MUC5B: variants seen among roughly 807,000 people sequenced by gnomAD.
MUC5B encodes mucin 5B, oligomeric mucus/gel-forming, also known as mucin-5B.
A neutral mutation model predicts 376.9 loss-of-function variants in MUC5B; 116 were observed. The observed-to-expected ratio is 0.31, with a 90% CI of 0.26 to 0.36. The LOEUF is 0.36. Ranked by LOEUF, MUC5B falls within the 10% of genes least tolerant of loss-of-function variation. The pLI is 1.00. For missense variants in MUC5B, 7,165 were observed against 7,769.9 expected (o/e 0.92, Z 2.93); for synonymous variants, 3,517 against 3,390.9 (o/e 1.04, Z -1.29).
In MUC5B at chr11:1,226,740, G is replaced by A. The variant is rs745661967; in HGVS notation, c.325G>A (p.Ala109Thr). ...CTACGTGTTCTCTGAGCACTGCCGC[G>A]CCGCCTACGAGGACTTCAACGTCCA... ...CNYVFSEHCR[A>T]AYEDFNVQLR... The change falls in exon 4 of 49, where the codon GCC (alanine) becomes ACC (threonine). Residue 109 changes from alanine to threonine, a missense_variant. This residue lies in a region of MUC5B where 640 missense variants were observed against 733.0 expected (regional missense o/e 0.87). Transcript: ENST00000529681. 37 of 1,612,582 alleles carry A rather than the reference G, an allele frequency of 2.3e-5. No individual in the cohort carries two copies. The highest frequency in any genetic ancestry group is 3.0e-5 in the Non-Finnish European group (35 of 1,179,832).
rs754195228 is a variant in MUC5B at position 1,247,478 on chromosome 11, C to T, written c.10598C>T (p.Thr3533Ile). 5.6e-6 allele frequency: 9 copies of T among 1,608,138 alleles called. No individual in the cohort carries two copies. The East Asian group carries it at 1.3e-4, about 24-fold the overall frequency. The part of the protein sequence containing the change: ...PSPGTTTPGH[T>I]RGTSRTTATA... ...CCAGGGACGACCACCCCGGGCCACA[C>T]CAGGGGCACCTCCAGGACCACAGCC... Residue 3533 changes from threonine (T) to isoleucine (I), a missense_variant, in exon 31 of 49, where the codon ACC becomes ATC. By Grantham distance (89) the Thr-to-Ile change is moderately conservative (BLOSUM62 -1). Coordinates refer to ENST00000529681, the MANE Select transcript of MUC5B (RefSeq NM_002458.3).
chr11:1,258,663 C>G lies in MUC5B; in HGVS notation c.16594-279C>G, dbSNP rs563349608. Among the ~76,000 whole-genome samples, 1 of 152,236 alleles carries G rather than the reference C, an allele frequency of 6.6e-6. No individual in the cohort carries two copies. Among genetic ancestry groups the G allele is most frequent in the African/African-American group, 2.4e-5 (1 of 41,536 alleles). ...CCCGCCTGCCCGCCCAGATTCCTAC[C>G]CGCCCGGATTCCTGCCTGCCAGATT... On this transcript the variant is annotated intron_variant, in intron 43 of 48. Transcript: ENST00000529681. This position sits in a 1 kb window ranked among gnomAD's most constrained non-coding sequence, Gnocchi z 5.5.
chr11:1,233,280 G>A lies in MUC5B; in HGVS notation c.2321+12G>A, dbSNP rs1208584838. 6.5e-7 allele frequency: 1 copy of A among 1,531,482 alleles called. No homozygotes were observed. The highest frequency in any genetic ancestry group is 8.8e-7 in the Non-Finnish European group (1 of 1,139,694). The allele number at this position is 1,531,482 out of a possible 1,614,324, so 94.9% of individuals were successfully genotyped here. A position where few individuals can be genotyped will look rare whatever the true frequency, so the allele number is the denominator to read the frequency against. ...GAGGGCGCCGTGTGGTAAGGGTCTG[G>A]GGGGAAAGCAGGCCCCCCAGGTGCT... On this transcript the variant is annotated intron_variant, in intron 18 of 48. Transcript: ENST00000529681.
chr11:1,247,162 G>A lies in MUC5B; in HGVS notation c.10282G>A (p.Ala3428Thr). 6.4e-7 allele frequency: 1 copy of A among 1,573,628 alleles called. No homozygotes were observed. The highest frequency in any genetic ancestry group is 8.6e-7 in the Non-Finnish European group (1 of 1,159,408). The change falls in exon 31 of 49, where the codon GCC becomes ACC. Residue 3428 changes from alanine to threonine, a missense_variant. Transcript: ENST00000529681. Reference protein sequence around the residue: ...VLTTTATTPAATSSTVTPSSA... With the variant: ...VLTTTATTPATTSSTVTPSSA... Reference sequence around the variant, plus strand: ...GACCACCACCGCCACCACACCTGCAGCCACCAGCAGCACAGTGACTCCCTC... The same window carrying A: ...GACCACCACCGCCACCACACCTGCAACCACCAGCAGCACAGTGACTCCCTC...
At position 1,253,749 on chromosome 11, in the gene MUC5B, T is replaced by C. The variant is rs970822497; in HGVS notation, c.15218-343T>C. ...CTGCCTCTCTGTGGCCTCCCCTCTC[T>C]GTGTCTGTGTCTCTTCTGTCTCCCG... On this transcript the variant is annotated intron_variant, in intron 33 of 48. Coordinates refer to ENST00000529681, the MANE Select transcript of MUC5B (RefSeq NM_002458.3). The surrounding 1 kb of genome is among the most constrained non-coding windows in gnomAD (Gnocchi z 4.3). Among the ~76,000 whole-genome samples the C allele has an allele frequency of 6.6e-6, 1 of 152,272 alleles. No individual in the cohort carries two copies. The highest frequency in any genetic ancestry group is 2.4e-5 in the African/African-American group (1 of 41,516).
chr11:1,225,001 C>T (rs776646353), intron 1 of MUC5B, among the ~76,000 whole-genome samples: 1 of 152,220 alleles, frequency 6.6e-6, no homozygotes, highest in Non-Finnish European at 1.5e-5. Context: ...TGGGTTGGAG[C>T]TGCCTCCTCC....
At chr11:1,224,131 T>G (rs1861824817) in intron 1 of MUC5B, among the ~76,000 whole-genome samples, 1 of 152,166 alleles carries the variant, frequency 6.6e-6, no homozygotes, top group Non-Finnish European at 1.5e-5. Flanking sequence ...ATCTGATTCT[T>G]CCGGGCCATG....
chr11:1,233,920 C>G, intron 19 of MUC5B, 72 bp downstream of exon 19: 1 of 1,394,456 alleles, frequency 7.2e-7, no homozygotes, highest in Non-Finnish European at 9.9e-7. Context: ...CCCCAACACG[C>G]CCCACCCTGC....
chr11:1,258,023 T>C lies in MUC5B; in HGVS notation c.16451-76T>C. 1 of 1,410,580 alleles carries C rather than the reference T, an allele frequency of 7.1e-7. No homozygotes were observed. The highest frequency in any genetic ancestry group is 9.7e-7 in the Non-Finnish European group (1 of 1,026,896). The allele number at this position is 1,410,580 out of a possible 1,614,324, so 87.4% of individuals were successfully genotyped here. The stretch of plus-strand genomic sequence containing the variant: ...TCAGGTCCTCGGGGAAAAGCACGCC[T>C]GCGACTTACTCTGGGAACAAGTGGT... On this transcript the variant is annotated intron_variant, in intron 41 of 48. Coordinates refer to ENST00000529681, the MANE Select transcript of MUC5B (RefSeq NM_002458.3). This position sits in a 1 kb window ranked among gnomAD's most constrained non-coding sequence, Gnocchi z 5.5.
At chr11:1,260,269 C>T (rs373512894) in intron 46 of MUC5B, 82 bp from the exon 47 acceptor site, 84 of 1,479,832 alleles carry the variant, frequency 5.7e-5, no homozygotes, top group Middle Eastern at 2.1e-4. Context: ...TGCCCCTGCC[C>T]GGGTGGGCCC....
rs774965401 is a variant in MUC5B, at chr11:1,249,821, C to T, written c.12941C>T (p.Thr4314Ile). The change falls in exon 31 of 49, where the codon ACA (threonine) becomes ATA (isoleucine). Residue 4314 changes from threonine to isoleucine, a missense_variant. This residue lies in a region of MUC5B where 431 missense variants were observed against 390.4 expected (regional missense o/e 1.10). Coordinates refer to ENST00000529681, the MANE Select transcript of MUC5B (RefSeq NM_002458.3). ...ACCACCCTTCCAGTGCTGACAAGCA[C>T]AGCCACCAAATCCACAGCTACCAGC... ...TATTLPVLTS[T>I]ATKSTATSVT... 6 of 1,613,640 alleles carry T rather than the reference C, an allele frequency of 3.7e-6. 1 individual carries two copies. Among genetic ancestry groups the T allele is most frequent in the Admixed American group, 1.7e-5 (1 of 60,018 alleles).
At chr11:1,229,918 C>T in intron 10 of MUC5B, 87 bp from the exon 11 acceptor site, 1 of 1,546,594 alleles carries the variant, frequency 6.5e-7, no homozygotes, top group South Asian at 1.2e-5. Flanking sequence ...GGTGTGCACC[C>T]ACCAGCCTCC....
Position 1,232,125 on chromosome 11 carries a change from G to A in MUC5B, c.1808G>A (p.Ser603Asn), listed in dbSNP as rs1179035643. The change falls in exon 15 of 49, where the codon AGC becomes AAC. Residue 603 changes from serine (S) to asparagine (N), a missense_variant. Physicochemically the swap from Ser to Asn is conservative, Grantham distance 46 (BLOSUM62 1). This residue lies in a region of MUC5B where 530 missense variants were observed against 604.0 expected (regional missense o/e 0.88). Coordinates refer to ENST00000529681, the MANE Select transcript of MUC5B (RefSeq NM_002458.3). ...GCTGCCTGTGCCAATGCCAGGAACA[G>A]CTTTGAGGACCCCTGCTCCCTCAGT... ...AQAACANARN[S>N]FEDPCSLSVE... 1.2e-6 allele frequency: 2 copies of A among 1,612,016 alleles called. No homozygotes were observed. The highest frequency in any genetic ancestry group is 2.2e-5 in the South Asian group (2 of 90,940).
rs1244384941 is a variant in MUC5B, at chr11:1,257,676, G to A, written c.16416G>A (p.Arg5472=). The A allele has an allele frequency of 6.3e-7, 1 of 1,575,254 alleles. No individual in the cohort carries two copies. The highest frequency in any genetic ancestry group is 8.6e-7 in the Non-Finnish European group (1 of 1,168,098). ...GCTTCGTAACCGTGACCAGGCCCCG[G>A]GCCGAGAACCCCTGCTGCCCCGAGA... ...RPGFVTVTRP[R]AENPCCPETV... The change falls in exon 41 of 49, where the codon CGG becomes CGA. Residue 5472 remains arginine, a synonymous_variant. Transcript: ENST00000529681. This position sits in a 1 kb window ranked among gnomAD's most constrained non-coding sequence, Gnocchi z 8.9.
intron 1 of MUC5B, 105 bp downstream of exon 1, chr11:1,223,298 C>T: frequency 2.9e-6 from 2 of 696,920 alleles, no homozygotes; most frequent in Non-Finnish European, 5.3e-6. Context: ...GGGCAGATCC[C>T]CCTACGACTC....
In MUC5B at chr11:1,237,284, G is replaced by A. The variant is rs773480978; in HGVS notation, c.3297+120G>A. Reference sequence around the variant, plus strand: ...CAAGGAGGGTCTGACCATGTCCCACGGCACACAGTCCTGGATGTCAGGTCC... The same window carrying A: ...CAAGGAGGGTCTGACCATGTCCCACAGCACACAGTCCTGGATGTCAGGTCC... On this transcript the variant is annotated intron_variant, in intron 25 of 48. Coordinates refer to ENST00000529681, the MANE Select transcript of MUC5B (RefSeq NM_002458.3). The A allele has an allele frequency of 5.8e-6, 7 of 1,210,498 alleles. No individual in the cohort carries two copies. In the South Asian group the frequency reaches 9.0e-5, roughly 16 times the overall value. The allele number at this position is 1,210,498 out of a possible 1,614,324, so 75.0% of individuals were successfully genotyped here. A position where few individuals can be genotyped will look rare whatever the true frequency, so the allele number is the denominator to read the frequency against.
rs2735708 is a variant in MUC5B, at chr11:1,230,702, C to A, written c.1470+102C>A. On this transcript the variant is annotated intron_variant, in intron 12 of 48. Transcript: ENST00000529681. ...TCCCCCTCCAGCCCCGAGGCCAGGTCCCCCCTCCAGCCCCCAGGCCAGGTC... is the reference window on the plus strand; with the variant it reads ...TCCCCCTCCAGCCCCGAGGCCAGGTACCCCCTCCAGCCCCCAGGCCAGGTC... 8.8e-6 allele frequency: 9 copies of A among 1,020,710 alleles called. No homozygotes were observed. The East Asian group carries it at 8.8e-5, about 10-fold the overall frequency. 63.2% of individuals were successfully genotyped at this position (1,020,710 alleles called of 1,614,324 possible).
In MUC5B at chr11:1,250,927, A is replaced by G. The variant is rs772042519; in HGVS notation, c.14047A>G (p.Thr4683Ala). The part of the protein sequence containing the change: ...TSGTPPSLTT[T>A]ATTITATGST... ...TGGTACTCCCCCATCACTGACCACC[A>G]CGGCCACTACGATCACGGCCACCGG... is the stretch of plus-strand genomic sequence containing the variant. Residue 4683 changes from threonine to alanine, a missense_variant, in exon 31 of 49, where the codon ACG (threonine) becomes GCG (alanine). By Grantham distance (58) the Thr-to-Ala change is moderately conservative (BLOSUM62 0). Transcript: ENST00000529681. The G allele has an allele frequency of 3.8e-6, 6 of 1,599,408 alleles. No individual in the cohort carries two copies. Among genetic ancestry groups the G allele is most frequent in the South Asian group, 3.3e-5 (3 of 89,986 alleles).
Position 1,226,754 on chromosome 11 carries a change from C to T in MUC5B, c.339C>T (p.Asp113=), listed in dbSNP as rs774180398. ...FSEHCRAAYE[D]FNVQLRRGLV... is the part of the protein sequence containing the mutation. ...AGCACTGCCGCGCCGCCTACGAGGA[C>T]TTCAACGTCCAGCTACGCCGAGGCC... The change falls in exon 4 of 49, where the codon GAC becomes GAT. Residue 113 remains aspartate, a synonymous_variant. Coordinates refer to ENST00000529681, the MANE Select transcript of MUC5B (RefSeq NM_002458.3). The T allele has an allele frequency of 1.9e-6, 3 of 1,612,758 alleles. No homozygotes were observed. The highest frequency in any genetic ancestry group is 3.3e-5 in the Admixed American group (2 of 60,012).
Sources: gnomAD v4.1 joint callset for allele counts (sites outside exome capture counted in the v4.1 genomes callset) on GRCh38, gnomAD v4.1.1 for gene constraint, gnomAD v4.1.1 regional missense constraint, Gnocchi (gnomAD v3.1) non-coding constraint, MANE v1.5 for transcripts, NCBI Gene and HGNC (gene_info 2026-07-23, HGNC 2026-07-21) for gene names.